WDR26: variants seen among roughly 807,000 people sequenced by gnomAD.
WDR26 encodes the protein WD repeat-containing protein 26.
Under a neutral mutation model 84.1 loss-of-function variants are expected in WDR26, and 5 were observed. The ratio of observed to expected loss-of-function variants is 0.06; its 90% CI spans 0.03 to 0.13. The LOEUF (loss-of-function observed/expected upper bound fraction) is 0.13. WDR26 is among the 10% of genes least tolerant of loss of function. The pLI is 1.00. For missense variants in WDR26, 642 were observed against 974.9 expected (o/e 0.66, Z 4.55); for synonymous variants, 415 against 389.6 (o/e 1.07, Z -0.77).
intron 8 of WDR26, among the ~76,000 whole-genome samples, chr1:224,403,992 T>G (rs1231455298): frequency 6.6e-6 from 1 of 152,162 alleles, no homozygotes; most frequent in Non-Finnish European, 1.5e-5. Flanking sequence ...GAATAAGTAC[T>G]GAAAACATCA....
Position 224,431,512 on chromosome 1 carries a change from G to C in WDR26, c.892C>G (p.Leu298Val), listed in dbSNP as rs1558447909. The change falls in exon 3 of 14, where the codon CTT becomes GTT. Residue 298 changes from leucine (L) to valine (V), a missense_variant. Transcript: ENST00000414423. ...CCCAACAACGTTTGAGAGATTTCAA[G>C]TGCGCCTCTTACCACAATAGCATGA... 7 of 1,614,048 alleles carry C rather than the reference G, an allele frequency of 4.3e-6. No homozygotes were observed. Among genetic ancestry groups the C allele is most frequent in the Non-Finnish European group, 5.9e-6 (7 of 1,179,960 alleles).
Position 224,434,571 on chromosome 1 carries a change from T to G in WDR26, c.-166A>C. ...GGGGAGAAGGAGGATCCGGGCCCTT[T>G]CCCCCCCCCCTCCCGGAGGCAGCTC... On this transcript the variant is annotated 5_prime_UTR_variant, in exon 1 of 14. Transcript: ENST00000414423. The G allele has an allele frequency of 4.4e-5, 13 of 295,970 alleles. No homozygotes were observed. Among genetic ancestry groups the G allele is most frequent in the South Asian group, 1.5e-4 (1 of 6,574 alleles). 18.3% of individuals were successfully genotyped at this position (295,970 alleles called of 1,614,324 possible).
chr1:224,391,717 T>C (rs1412241691), intron 13 of WDR26, among the ~76,000 whole-genome samples: 1 of 152,156 alleles, frequency 6.6e-6, no homozygotes, highest in Non-Finnish European at 1.5e-5. Flanking sequence ...TTAATATTGA[T>C]TTCTTTAGCC....
At chr1:224,415,346 C>A (rs1402966213) in intron 6 of WDR26, among the ~76,000 whole-genome samples, 1 of 151,280 alleles carries the variant, frequency 6.6e-6, no homozygotes, top group African/African-American at 2.4e-5. Flanking sequence ...AGGTCTAAGG[C>A]TCAGGAGATA....
chr1:224,421,762 T>C (rs1186704854), intron 4 of WDR26, among the ~76,000 whole-genome samples: 1 of 152,124 alleles, frequency 6.6e-6, no homozygotes, highest in Non-Finnish European at 1.5e-5. Flanking sequence ...AGACTCCATC[T>C]CAAACAACAA....
In WDR26 at chr1:224,392,431, C is replaced by T. The variant is rs546890841; in HGVS notation, c.2260+1397G>A. The stretch of plus-strand genomic sequence containing the variant: ...CTACATACCTAGTATTTTCCTACTT[C>T]TTTAAACCAAGTATGTTTATTTGAA... On this transcript the variant is annotated intron_variant, in intron 13 of 13. Transcript: ENST00000414423. Among the ~76,000 whole-genome samples, 14 of 152,132 alleles carry T rather than the reference C, an allele frequency of 9.2e-5. No individual in the cohort carries two copies. The South Asian group carries it at 2.9e-3, about 32-fold the overall frequency.
rs1286475845 is a variant in WDR26, at chr1:224,418,379, A to G, written c.1200T>C (p.Arg400=). 1 of 1,613,266 alleles carries G rather than the reference A, an allele frequency of 6.2e-7. No homozygotes were observed. The highest frequency in any genetic ancestry group is 1.3e-5 in the African/African-American group (1 of 74,900). Reference sequence around the variant, plus strand: ...CCGCCTGCCGCAGGAGAGTCTGTAAACGCCGTGGGGGAAGCATCACTGATG... The same window carrying G: ...CCGCCTGCCGCAGGAGAGTCTGTAAGCGCCGTGGGGGAAGCATCACTGATG... The change falls in exon 6 of 14, where the codon CGT becomes CGC. Residue 400 remains arginine (R), a synonymous_variant. Transcript: ENST00000414423.
intron 10 of WDR26, 84 bp downstream of exon 10, chr1:224,398,805 T>A: frequency 6.4e-7 from 1 of 1,552,924 alleles, no homozygotes; most frequent in South Asian, 1.2e-5. Flanking sequence ...ACGAAAAACA[T>A]AAAAACTGTG....
intron 5 of WDR26, 170 bp downstream of exon 5, chr1:224,419,348 G>A: frequency 1.7e-6 from 1 of 583,508 alleles, no homozygotes; most frequent in Non-Finnish European, 3.1e-6. Flanking sequence ...ACTGACTCCT[G>A]AGGTTAGCTT....
chr1:224,426,911 A>G (rs1011228706), intron 3 of WDR26, among the ~76,000 whole-genome samples: 3 of 151,330 alleles, frequency 2.0e-5, no homozygotes, highest in Non-Finnish European at 2.9e-5. Context: ...CCTGACAAAC[A>G]TGGTGAAACC....
At chr1:224,402,841 C>T (rs1371889701) in intron 8 of WDR26, among the ~76,000 whole-genome samples, 1 of 152,030 alleles carries the variant, frequency 6.6e-6, no homozygotes, top group Non-Finnish European at 1.5e-5. Flanking sequence ...GCTGATTTGA[C>T]AAAAATGGCA....
Position 224,386,901 on chromosome 1 carries a change from C to G in WDR26, c.*2934G>C. ...AAACCAAAGCTGAAGCTTTGTCATC[C>G]CTCCCCACTAACTCCCACTCCAATT... On this transcript the variant is annotated 3_prime_UTR_variant, in exon 14 of 14. Coordinates refer to ENST00000414423, the MANE Select transcript of WDR26 (RefSeq NM_001379403.1). 6.6e-6 allele frequency: 1 copy of G among 152,128 alleles called. No homozygotes were observed. Among genetic ancestry groups the G allele is most frequent in the Non-Finnish European group, 1.5e-5 (1 of 68,004 alleles). 9.4% of individuals were successfully genotyped at this position (152,128 alleles called of 1,614,324 possible). A position where few individuals can be genotyped will look rare whatever the true frequency, so the allele number is the denominator to read the frequency against.
chr1:224,433,622 A>ACCCCCCCCCCCCCCCCCCCCCC, intron 1 of WDR26, 62 bp downstream of exon 1: 1 of 852,370 alleles, frequency 1.2e-6, no homozygotes, highest in Non-Finnish European at 1.4e-6. Flanking sequence ...CCCTTCCCCT[A>ACCCCCCCCCCCCCCCCCCCCCC]CCCCCCTGGA....
chr1:224,399,931 C>T (rs1378729057), intron 9 of WDR26, among the ~76,000 whole-genome samples: 1 of 152,050 alleles, frequency 6.6e-6, no homozygotes, highest in African/African-American at 2.4e-5. Flanking sequence ...ATGATCACAC[C>T]AATGTACTCT....
At position 224,401,146 on chromosome 1, in the gene WDR26, TG is replaced by T. The variant is rs1673401874; in HGVS notation, c.1600-78del. On this transcript the variant is annotated intron_variant, in intron 8 of 13. Transcript: ENST00000414423. ...AATTATGTGAGAAAAAAAAAATAAC[TG>T]GGATGTCTGGCTGGTTTCCCAGTTC... 2.1e-6 allele frequency: 3 copies of T among 1,405,676 alleles called. No homozygotes were observed. The Admixed American group carries it at 6.7e-5, about 31-fold the overall frequency. The allele number at this position is 1,405,676 out of a possible 1,614,324, so 87.1% of individuals were successfully genotyped here.
rs779741438 is a variant in WDR26 at position 224,434,688 on chromosome 1, TGCG to T, written c.-286_-284del. ...CGCTGGGCTGAGCCCCGGCAGTGGC[TGCG>T]GCGGCGGCGGCGGCGGGCGGCAGCG... On this transcript the variant is annotated 5_prime_UTR_variant, in exon 1 of 14. Transcript: ENST00000414423. The T allele has an allele frequency of 4.6e-3, 3,991 of 876,890 alleles. 1 individual carries two copies. Among genetic ancestry groups the T allele is most frequent in the Non-Finnish European group, 4.9e-3 (3,624 of 733,908 alleles). 54.3% of individuals were successfully genotyped at this position (876,890 alleles called of 1,614,324 possible).
intron 7 of WDR26, among the ~76,000 whole-genome samples, chr1:224,406,129 C>T (rs1049089345): frequency 1.3e-5 from 2 of 152,122 alleles, no homozygotes; most frequent in Admixed American, 1.3e-4. Flanking sequence ...GGCTGGAGGA[C>T]TGCTTGAGTC....
intron 3 of WDR26, chr1:224,429,260 CAA>C (rs1266985986): frequency 7.0e-5 from 7 of 99,296 alleles, no homozygotes; most frequent in Non-Finnish European, 6.3e-5. Context: ...GACTCCATCT[CAA>C]AAAAAAAAAA....
intron 12 of WDR26, among the ~76,000 whole-genome samples, chr1:224,395,481 T>TTG (rs2102888230): frequency 6.6e-6 from 1 of 152,276 alleles, no homozygotes; most frequent in African/African-American, 2.4e-5. Flanking sequence ...TCTGAACTTT[T>TTG]TGTGTGTGTA....
Sources: allele counts gnomAD v4.1 joint callset (sites outside exome capture counted in the v4.1 genomes callset), GRCh38; gene constraint gnomAD v4.1.1; transcripts MANE v1.5; gene names NCBI Gene and HGNC (gene_info 2026-07-23, HGNC 2026-07-21).